APLF: variants seen among roughly 807,000 people sequenced by gnomAD.
APLF encodes the protein aprataxin and PNK-like factor.
Under a neutral mutation model 55.6 loss-of-function variants are expected in APLF, and 61 were observed. The ratio of observed to expected loss-of-function variants is 1.10; its 90% CI spans 0.89 to 1.36. The LOEUF (loss-of-function observed/expected upper bound fraction) is 1.36, where lower values mean the gene tolerates loss of function less well. Among genes scored for constraint, APLF ranks in the 40% most tolerant of loss-of-function variants. The pLI is 0.00. For synonymous variants in APLF, 207 were observed against 214.8 expected (o/e 0.96, Z 0.32); for missense variants, 611 against 602.5 (o/e 1.01, Z -0.15).
At chr2:68,506,360 T>C (rs1218445596) in intron 3 of APLF, among the ~76,000 whole-genome samples, 1 of 147,586 alleles carries the variant, frequency 6.8e-6, no homozygotes, top group African/African-American at 2.6e-5. Flanking sequence ...AGAGGGAGAG[T>C]CCACTGTCTG....
At chr2:68,563,519 C>T (rs1028164205) in intron 8 of APLF, among the ~76,000 whole-genome samples, 6 of 151,992 alleles carry the variant, frequency 3.9e-5, no homozygotes, top group Admixed American at 3.9e-4. Flanking sequence ...CCCACTCCCC[C>T]ACTTTGTGAT....
intron 7 of APLF, among the ~76,000 whole-genome samples, chr2:68,541,456 G>GA (rs1281981774): frequency 3.3e-5 from 5 of 150,652 alleles, no homozygotes; most frequent in Non-Finnish European, 7.4e-5. Context: ...ACTCAGTTAA[G>GA]AAAAAAAAAT....
At position 68,549,078 on chromosome 2, in the gene APLF, A is replaced by AT. The variant is rs534128516; in HGVS notation, c.1286+3774dup. Among the ~76,000 whole-genome samples, 143 of 151,810 alleles carry AT rather than the reference A, an allele frequency of 9.4e-4. 1 individual carries two copies. Among genetic ancestry groups the AT allele is most frequent in the African/African-American group, 3.2e-3 (134 of 41,456 alleles). On this transcript the variant is annotated intron_variant, in intron 8 of 9. Transcript: ENST00000303795. Reference sequence around the variant, plus strand: ...AGTATCTACATTTCCCTATAGTGTCATTTTTTTTAACAGTTTATCTGAATC... The same window carrying AT: ...AGTATCTACATTTCCCTATAGTGTCATTTTTTTTTAACAGTTTATCTGAATC...
chr2:68,522,105 C>T lies in APLF; in HGVS notation c.623-3956C>T, dbSNP rs189074490. 1.1e-3 allele frequency among the ~76,000 whole-genome samples: 163 copies of T among 151,840 alleles called. 1 individual carries two copies. The highest frequency in any genetic ancestry group is 2.1e-3 in the Non-Finnish European group (143 of 67,768). ...TGTCTTTTTAGCTGAACCCTATAAA[C>T]TTTAAATAAAAATGGTTAAAATTGG... On this transcript the variant is annotated intron_variant, in intron 5 of 9. Transcript: ENST00000303795.
At chr2:68,536,981 A>T (rs1337814333) in intron 6 of APLF, among the ~76,000 whole-genome samples, 1 of 152,118 alleles carries the variant, frequency 6.6e-6, no homozygotes, top group African/African-American at 2.4e-5. Context: ...AGCTTGGCCA[A>T]CAGTGAAACC....
intron 9 of APLF, chr2:68,568,436 C>A: frequency 2.3e-6 from 1 of 432,964 alleles, no homozygotes; most frequent in Non-Finnish European, 3.1e-6. Flanking sequence ...TTTAGTACTC[C>A]AGACATAAAA....
intron 1 of APLF, among the ~76,000 whole-genome samples, chr2:68,485,621 C>G (rs1676139691): frequency 6.6e-6 from 1 of 151,980 alleles, no homozygotes; most frequent in South Asian, 2.1e-4. Context: ...TTATCCGTTC[C>G]TAACTTAATT....
chr2:68,528,787 C>G, intron 6 of APLF: 2 of 1,436,820 alleles, frequency 1.4e-6, no homozygotes, highest in South Asian at 1.2e-5. Context: ...CTGCATGCAC[C>G]TGGGCCTTGT....
intron 3 of APLF, among the ~76,000 whole-genome samples, chr2:68,510,754 CA>C (rs1677024566): frequency 6.6e-6 from 1 of 151,592 alleles, no homozygotes; most frequent in South Asian, 2.1e-4. Context: ...TCATAATAGC[CA>C]AAAAGTGGAA....
intron 1 of APLF, among the ~76,000 whole-genome samples, chr2:68,485,468 G>A (rs1676134769): frequency 6.6e-6 from 1 of 152,150 alleles, no homozygotes. Context: ...TGTGGTAAGT[G>A]TAATCACCTT....
At chr2:68,562,644 A>G (rs1331521570) in intron 8 of APLF, among the ~76,000 whole-genome samples, 1 of 152,024 alleles carries the variant, frequency 6.6e-6, no homozygotes, top group African/African-American at 2.4e-5. Flanking sequence ...TATGATTTGA[A>G]CTTAGGTAGT....
At chr2:68,572,971 C>G (rs530307914) in intron 9 of APLF, among the ~76,000 whole-genome samples, 140 of 152,106 alleles carry the variant, frequency 9.2e-4, no homozygotes, top group Non-Finnish European at 1.1e-3. Context: ...GGGATAAGAA[C>G]TAACAGTGAA....
chr2:68,543,534 A>G (rs1449722223), intron 7 of APLF, among the ~76,000 whole-genome samples: 1 of 152,180 alleles, frequency 6.6e-6, no homozygotes, highest in Non-Finnish European at 1.5e-5. Context: ...CATTTTGGAA[A>G]TTTGGCAATA....
At chr2:68,553,476 G>A (rs1414885837) in intron 8 of APLF, among the ~76,000 whole-genome samples, 1 of 152,012 alleles carries the variant, frequency 6.6e-6, no homozygotes, top group Non-Finnish European at 1.5e-5. Flanking sequence ...TATTTGTGAA[G>A]TATATTATTT....
Position 68,467,716 on chromosome 2 carries a change from C to T in APLF, c.-16C>T, listed in dbSNP as rs1675471648. On this transcript the variant is annotated 5_prime_UTR_variant, in exon 1 of 10. Transcript: ENST00000303795. Reference sequence around the variant, plus strand: ...GGGGCCAGTCTCCTGGCGAAGGGGCCTAATCCTTGCCCGCCATGTCCGGGG... The same window carrying T: ...GGGGCCAGTCTCCTGGCGAAGGGGCTTAATCCTTGCCCGCCATGTCCGGGG... The T allele has an allele frequency of 3.2e-6, 4 of 1,234,596 alleles. No individual in the cohort carries two copies. The highest frequency in any genetic ancestry group is 8.2e-5 in the South Asian group (2 of 24,432). The allele number at this position is 1,234,596 out of a possible 1,614,324, so 76.5% of individuals were successfully genotyped here.
chr2:68,573,430 T>C (rs1671537267), intron 9 of APLF, among the ~76,000 whole-genome samples: 2 of 152,136 alleles, frequency 1.3e-5, no homozygotes, highest in Admixed American at 1.3e-4. Flanking sequence ...CCTAGCACTT[T>C]GGGGGGCCGA....
intron 6 of APLF, chr2:68,528,771 A>G: frequency 9.7e-6 from 14 of 1,446,482 alleles, no homozygotes; most frequent in Non-Finnish European, 3.7e-6. Context: ...TTGGAGTAGA[A>G]ACTCACTGCA....
At chr2:68,519,015 A>ATAATATATAATATATTATTAATATATAAT (rs1669796786) in intron 5 of APLF, among the ~76,000 whole-genome samples, 1 of 124,092 alleles carries the variant, frequency 8.1e-6, no homozygotes, top group African/African-American at 3.1e-5. Flanking sequence ...TTAATATATA[A>ATAATATATAATATATTATTAATATATAAT]TAATATATAA....
At chr2:68,538,600 T>G (rs935745713) in intron 7 of APLF, among the ~76,000 whole-genome samples, 1 of 133,126 alleles carries the variant, frequency 7.5e-6, no homozygotes, top group Non-Finnish European at 1.7e-5. Flanking sequence ...TAATTTTAAG[T>G]TGTATTTAGG....
Sources: gnomAD v4.1 joint callset for allele counts (sites outside exome capture counted in the v4.1 genomes callset) on GRCh38, gnomAD v4.1.1 for gene constraint, MANE v1.5 for transcripts, NCBI Gene and HGNC (gene_info 2026-07-23, HGNC 2026-07-21) for gene names.